Variants in VAT1L observed in about 807,000 individuals in gnomAD.
VAT1L encodes the protein putative NADPH-dependent quinone oxidoreductase VAT1L.
Under a neutral mutation model 44.1 loss-of-function variants are expected in VAT1L, and 34 were observed. That is an observed-to-expected ratio of 0.77 (90% confidence interval 0.59 to 1.03). The LOEUF (loss-of-function observed/expected upper bound fraction) is 1.03. Ranked by LOEUF, VAT1L falls within the 50% of genes least tolerant of loss-of-function variation. The pLI, the probability that VAT1L is intolerant of heterozygous loss-of-function variation, is 0.00. For missense variants in VAT1L, 615 were observed against 538.8 expected (o/e 1.14, Z -1.40); for synonymous variants, 253 against 202.2 (o/e 1.25, Z -2.13).
chr16:77,793,153 G>C (rs8049545), intron 1 of VAT1L, among the ~76,000 whole-genome samples: 139,333 of 152,262 alleles, frequency 0.92, 63,799 homozygotes, highest in East Asian at 0.99. Context: ...GCTCTGTCAC[G>C]CAAGGTGAAG....
chr16:77,962,262 G>C (rs567618147), intron 7 of VAT1L, among the ~76,000 whole-genome samples: 1 of 152,258 alleles, frequency 6.6e-6, no homozygotes, highest in East Asian at 1.9e-4. Flanking sequence ...GTGGGAAAAA[G>C]TCCTCATGTG....
chr16:77,805,763 C>A (rs2145220730), intron 1 of VAT1L, among the ~76,000 whole-genome samples: 1 of 152,078 alleles, frequency 6.6e-6, no homozygotes, highest in Admixed American at 6.5e-5. Flanking sequence ...CATAGAAAGC[C>A]CTGAAGTGTG....
chr16:77,811,550 C>T (rs2016265999), intron 1 of VAT1L, among the ~76,000 whole-genome samples: 1 of 152,194 alleles, frequency 6.6e-6, no homozygotes, highest in Non-Finnish European at 1.5e-5. Context: ...CTTATATTCC[C>T]AGTTCTGGTA....
intron 7 of VAT1L, 144 bp from the exon 8 acceptor site, chr16:77,971,706 C>G (rs1266105521): frequency 5.5e-6 from 4 of 730,026 alleles, no homozygotes; most frequent in South Asian, 1.9e-5. Context: ...TGCACCCCAG[C>G]GTCCAACAGC....
intron 1 of VAT1L, among the ~76,000 whole-genome samples, chr16:77,806,678 T>C (rs1040206293): frequency 6.6e-6 from 1 of 152,266 alleles, no homozygotes; most frequent in Non-Finnish European, 1.5e-5. Context: ...ACTTCCTTTT[T>C]TTCTATGGGA....
intron 3 of VAT1L, among the ~76,000 whole-genome samples, chr16:77,833,982 T>C (rs1385012776): frequency 2.0e-5 from 3 of 152,142 alleles, no homozygotes; most frequent in Admixed American, 6.5e-5. Flanking sequence ...CCCCAGGTGA[T>C]TGCAGCAGCT....
At chr16:77,872,032 T>G (rs142807165) in intron 4 of VAT1L, among the ~76,000 whole-genome samples, 1 of 152,306 alleles carries the variant, frequency 6.6e-6, no homozygotes, top group African/African-American at 2.4e-5. Context: ...GTGTTCCATT[T>G]GCATCAGTTC....
chr16:77,817,974 C>G lies in VAT1L; in HGVS notation c.363+924C>G, dbSNP rs187775913. ...AAGCCTCCACCATAGCCCTGCAAAG[C>G]AAAGATTGTTATCCCCTTGCAGATG... On this transcript the variant is annotated intron_variant, in intron 2 of 8. Transcript: ENST00000302536. Among the ~76,000 whole-genome samples the G allele has an allele frequency of 3.2e-4, 48 of 152,264 alleles. No homozygotes were observed. In the East Asian group the frequency reaches 8.7e-3, roughly 28 times the overall value.
chr16:77,897,368 C>G (rs746016613), intron 7 of VAT1L, among the ~76,000 whole-genome samples: 20 of 152,168 alleles, frequency 1.3e-4, no homozygotes, highest in Non-Finnish European at 2.9e-4. Context: ...GTGGTGAACT[C>G]TTGTACACTG....
chr16:77,828,762 G>A (rs1237123248), intron 3 of VAT1L, among the ~76,000 whole-genome samples: 2 of 152,168 alleles, frequency 1.3e-5, no homozygotes, highest in African/African-American at 2.4e-5. Context: ...GATGGAGGAG[G>A]AGGCTGTGAA....
At chr16:77,868,816 G>T (rs2017001823) in intron 4 of VAT1L, among the ~76,000 whole-genome samples, 1 of 152,148 alleles carries the variant, frequency 6.6e-6, no homozygotes, top group African/African-American at 2.4e-5. Context: ...GCTATCGGTG[G>T]CGCTGCCTTG....
chr16:77,868,224 A>G (rs1343425346), intron 4 of VAT1L, among the ~76,000 whole-genome samples: 1 of 152,226 alleles, frequency 6.6e-6, no homozygotes, highest in East Asian at 1.9e-4. Context: ...AATGCTTACC[A>G]AATACTGTAC....
At chr16:77,840,033 T>G (rs1293747082) in intron 3 of VAT1L, among the ~76,000 whole-genome samples, 1 of 145,442 alleles carries the variant, frequency 6.9e-6, no homozygotes. Flanking sequence ...CATCTAAGAC[T>G]CAGTTTCCTC....
intron 4 of VAT1L, among the ~76,000 whole-genome samples, chr16:77,864,395 C>G (rs1322413821): frequency 6.6e-6 from 1 of 152,162 alleles, no homozygotes; most frequent in Admixed American, 6.5e-5. Flanking sequence ...GAGTTTGAGA[C>G]CACCCTGGCC....
chr16:77,895,538 G>C (rs1054481209), intron 7 of VAT1L, among the ~76,000 whole-genome samples: 3 of 152,122 alleles, frequency 2.0e-5, no homozygotes, highest in African/African-American at 7.2e-5. Flanking sequence ...GAGGAAGAAG[G>C]GTGATGTGAT....
intron 7 of VAT1L, among the ~76,000 whole-genome samples, chr16:77,949,661 T>C (rs988146002): frequency 6.6e-6 from 1 of 152,188 alleles, no homozygotes; most frequent in African/African-American, 2.4e-5. Flanking sequence ...CACTGTGTGA[T>C]CTCTGCACGT....
At chr16:77,941,281 AT>A (rs2017880196) in intron 7 of VAT1L, among the ~76,000 whole-genome samples, 1 of 152,174 alleles carries the variant, frequency 6.6e-6, no homozygotes, top group South Asian at 2.1e-4. Context: ...AGCTTGTTGC[AT>A]TAGCAGTAAC....
intron 1 of VAT1L, among the ~76,000 whole-genome samples, chr16:77,795,802 C>T (rs1021866613): frequency 1.4e-5 from 2 of 147,910 alleles, no homozygotes; most frequent in African/African-American, 2.5e-5. Context: ...TCGCTTAGCT[C>T]CCTTTTTTCT....
chr16:77,939,547 C>T (rs1215426275), intron 7 of VAT1L, among the ~76,000 whole-genome samples: 1 of 152,166 alleles, frequency 6.6e-6, no homozygotes, highest in Non-Finnish European at 1.5e-5. Context: ...CCCAGAAGAA[C>T]ATAACTCCAA....
Sources: gnomAD v4.1 joint callset for allele counts (sites outside exome capture counted in the v4.1 genomes callset) on GRCh38, gnomAD v4.1.1 for gene constraint, MANE v1.5 for transcripts, NCBI Gene and HGNC (gene_info 2026-07-23, HGNC 2026-07-21) for gene names.